Variants in FHIT observed in about 807,000 individuals in gnomAD.
FHIT encodes fragile histidine triad diadenosine triphosphatase.
A neutral mutation model predicts 17.9 loss-of-function variants in FHIT; 19 were observed. The observed-to-expected ratio is 1.06, with a 90% CI of 0.74 to 1.56. The LOEUF is 1.56. Among genes scored for constraint, FHIT ranks in the 40% most tolerant of loss-of-function variants. The probability of loss-of-function intolerance (pLI) is 0.00; values close to 1 mark genes in which losing one functional copy is unlikely to be tolerated. For synonymous variants in FHIT, 81 were observed against 69.7 expected (o/e 1.16, Z -0.81); for missense variants, 248 against 189.2 (o/e 1.31, Z -1.82).
intron 4 of FHIT, among the ~76,000 whole-genome samples, chr3:60,541,525 A>G (rs575432123): frequency 1.3e-5 from 2 of 152,186 alleles, no homozygotes; most frequent in South Asian, 2.1e-4. Flanking sequence ...GGGATGGGCA[A>G]GTGACCCAGG....
At chr3:60,015,664 G>T (rs80173757) in intron 5 of FHIT, among the ~76,000 whole-genome samples, 5,896 of 152,154 alleles carry the variant, frequency 0.039, 413 homozygotes, top group East Asian at 0.3. Flanking sequence ...CACAGCAAGG[G>T]TGACAACCAT....
At chr3:61,189,640 A>G (rs1445158018) in intron 2 of FHIT, among the ~76,000 whole-genome samples, 1 of 152,270 alleles carries the variant, frequency 6.6e-6, no homozygotes, top group Non-Finnish European at 1.5e-5. Flanking sequence ...ATCCTAAGCC[A>G]AAAGAACAAA....
At chr3:60,531,811 G>A (rs190761750) in intron 5 of FHIT, among the ~76,000 whole-genome samples, 5 of 152,064 alleles carry the variant, frequency 3.3e-5, no homozygotes, top group Non-Finnish European at 7.4e-5. Context: ...ACATGGTAAC[G>A]GTCTGAAAAC....
chr3:60,055,072 A>G (rs551295834), intron 5 of FHIT, among the ~76,000 whole-genome samples: 1 of 152,294 alleles, frequency 6.6e-6, no homozygotes, highest in African/African-American at 2.4e-5. Context: ...AGAACTAAAA[A>G]GAAATAAACT....
At chr3:60,130,811 G>GTGTGTGTGTGTATACACATATATA (rs1277650963) in intron 5 of FHIT, among the ~76,000 whole-genome samples, 1 of 149,350 alleles carries the variant, frequency 6.7e-6, no homozygotes, top group East Asian at 2.0e-4. Flanking sequence ...ATATATATGT[G>GTGTGTGTGTGTATACACATATATA]TGTATGTGTG....
chr3:60,465,953 T>C (rs527634283), intron 5 of FHIT, among the ~76,000 whole-genome samples: 57 of 152,258 alleles, frequency 3.7e-4, no homozygotes, highest in African/African-American at 1.1e-3. Flanking sequence ...ATGGATTGCA[T>C]TGAATCTGCA....
intron 3 of FHIT, among the ~76,000 whole-genome samples, chr3:60,906,135 T>C (rs1450411690): frequency 6.6e-6 from 1 of 152,230 alleles, no homozygotes; most frequent in Admixed American, 6.5e-5. Context: ...ATTCTGAATG[T>C]ATATCCTTAG....
chr3:60,068,974 C>A (rs11927585), intron 5 of FHIT, among the ~76,000 whole-genome samples: 1 of 152,012 alleles, frequency 6.6e-6, no homozygotes, highest in Non-Finnish European at 1.5e-5. Flanking sequence ...AATTATGGTA[C>A]TTCCATACAT....
At chr3:60,515,057 C>A (rs2035099377) in intron 5 of FHIT, among the ~76,000 whole-genome samples, 1 of 151,904 alleles carries the variant, frequency 6.6e-6, no homozygotes. Context: ...GTGAGGCAGG[C>A]AGACAAAACA....
At chr3:59,814,045 TACACACACAC>T (rs144355020) in intron 8 of FHIT, among the ~76,000 whole-genome samples, 25 of 146,870 alleles carry the variant, frequency 1.7e-4, no homozygotes, top group Non-Finnish European at 2.5e-4. Context: ...AATTTACACA[TACACACACAC>T]ACACACACAC....
rs964399015 is a variant in FHIT at position 60,537,381 on chromosome 3, C to G, written c.-17-402G>C. 7.3e-6 allele frequency: 5 copies of G among 686,646 alleles called. No homozygotes were observed. In the African/African-American group the frequency reaches 9.7e-5, roughly 13 times the overall value. The allele number at this position is 686,646 out of a possible 1,614,324, so 42.5% of individuals were successfully genotyped here. A position where few individuals can be genotyped will look rare whatever the true frequency, so the allele number is the denominator to read the frequency against. The stretch of plus-strand genomic sequence containing the variant: ...TCATTAAGTATTAACTATAAACCTT[C>G]TAATTCTTAAATGCTTCTCTCAAAT... On this transcript the variant is annotated intron_variant, in intron 4 of 9. Transcript: ENST00000492590.
At chr3:60,454,080 T>C (rs758964450) in intron 5 of FHIT, among the ~76,000 whole-genome samples, 8 of 152,200 alleles carry the variant, frequency 5.3e-5, no homozygotes, top group Admixed American at 2.0e-4. Context: ...CTAGCCATGC[T>C]GATGATGATC....
In FHIT at chr3:60,137,051, G is replaced by A. The variant is rs1014209546; in HGVS notation, c.104-122899C>T. 3.9e-5 allele frequency among the ~76,000 whole-genome samples: 6 copies of A among 152,110 alleles called. No individual in the cohort carries two copies. In the East Asian group the frequency reaches 5.8e-4, roughly 15 times the overall value. On this transcript the variant is annotated intron_variant, in intron 5 of 9. Coordinates refer to ENST00000492590, the MANE Select transcript of FHIT (RefSeq NM_002012.4). Reference sequence around the variant, plus strand: ...TTAGCATGAATACCTCCAAGGAGCCGTATTATTCAAACAATTTTCTATTTC... The same window carrying A: ...TTAGCATGAATACCTCCAAGGAGCCATATTATTCAAACAATTTTCTATTTC...
intron 4 of FHIT, among the ~76,000 whole-genome samples, chr3:60,645,315 G>A (rs1553686471): frequency 6.6e-6 from 1 of 152,148 alleles, no homozygotes; most frequent in African/African-American, 2.4e-5. Context: ...CAGTTGGCCA[G>A]CCCCTCTTCT....
intron 4 of FHIT, among the ~76,000 whole-genome samples, chr3:60,772,585 T>C (rs939656266): frequency 2.6e-5 from 4 of 152,044 alleles, no homozygotes; most frequent in Admixed American, 6.6e-5. Flanking sequence ...GACATTTACT[T>C]TACAGTTTAA....
chr3:60,475,817 A>G (rs1393075356), intron 5 of FHIT, among the ~76,000 whole-genome samples: 1 of 152,236 alleles, frequency 6.6e-6, no homozygotes, highest in Non-Finnish European at 1.5e-5. Flanking sequence ...GTGATGGGTC[A>G]TAATCAAAAT....
chr3:60,527,757 T>A (rs1036326199), intron 5 of FHIT, among the ~76,000 whole-genome samples: 1 of 152,178 alleles, frequency 6.6e-6, no homozygotes, highest in Non-Finnish European at 1.5e-5. Flanking sequence ...GTGGGGCTAA[T>A]GGGAAAGGTT....
At chr3:59,824,233 G>T (rs1259708643) in intron 8 of FHIT, among the ~76,000 whole-genome samples, 1 of 152,174 alleles carries the variant, frequency 6.6e-6, no homozygotes, top group African/African-American at 2.4e-5. Flanking sequence ...TTGGAGGAGG[G>T]GTACAGAAGG....
intron 8 of FHIT, among the ~76,000 whole-genome samples, chr3:59,907,358 C>G (rs1042914611): frequency 1.3e-5 from 2 of 152,214 alleles, no homozygotes; most frequent in Non-Finnish European, 2.9e-5. Context: ...CTGACCATCT[C>G]TTGGCTAAAG....
Sources: gnomAD v4.1 joint callset for allele counts (sites outside exome capture counted in the v4.1 genomes callset) on GRCh38, gnomAD v4.1.1 for gene constraint, MANE v1.5 for transcripts, NCBI Gene and HGNC (gene_info 2026-07-23, HGNC 2026-07-21) for gene names.